ANKRD30BL: variants seen among roughly 807,000 people sequenced by gnomAD.
ANKRD30BL encodes the protein ankyrin repeat domain 30B like.
A neutral mutation model predicts 18.4 loss-of-function variants in ANKRD30BL; 20 were observed. The observed-to-expected ratio is 1.09, with a 90% confidence interval of 0.77 to 1.58. The LOEUF is 1.58. ANKRD30BL is among the 40% of genes most tolerant of loss of function. ANKRD30BL has a pLI of 0.00. For synonymous variants in ANKRD30BL, 72 were observed against 100.9 expected (o/e 0.71, Z 1.72); for missense variants, 224 against 268.6 (o/e 0.83, Z 1.16).
intron 1 of ANKRD30BL, among the ~76,000 whole-genome samples, chr2:132,234,895 T>C (rs1680113664): frequency 6.6e-6 from 1 of 152,116 alleles, no homozygotes. Context: ...AAAGAGAATT[T>C]TAGACCAATA....
intron 1 of ANKRD30BL, among the ~76,000 whole-genome samples, chr2:132,233,611 G>T (rs1292622403): frequency 1.3e-5 from 2 of 150,834 alleles, no homozygotes; most frequent in African/African-American, 4.9e-5. Flanking sequence ...AATGGTAAAG[G>T]GATCAATTCA....
At chr2:132,255,112 G>A (rs536756605) in intron 1 of ANKRD30BL, among the ~76,000 whole-genome samples, 1 of 150,994 alleles carries the variant, frequency 6.6e-6, no homozygotes, top group Non-Finnish European at 1.5e-5. Flanking sequence ...CCGCCACATC[G>A]CCAGTTGGCA....
chr2:132,232,923 G>T (rs1558730078), intron 1 of ANKRD30BL, among the ~76,000 whole-genome samples: 1 of 151,974 alleles, frequency 6.6e-6, no homozygotes, highest in Non-Finnish European at 1.5e-5. Context: ...AAATGTTAAG[G>T]GCAGCCAGAG....
chr2:132,178,268 T>G (rs914641911), intron 1 of ANKRD30BL, among the ~76,000 whole-genome samples: 2 of 152,220 alleles, frequency 1.3e-5, no homozygotes, highest in African/African-American at 4.8e-5. Context: ...GAGTAATGTA[T>G]GTGCTAAATT....
chr2:132,221,484 G>A (rs1343558428), intron 1 of ANKRD30BL, among the ~76,000 whole-genome samples: 29 of 126,176 alleles, frequency 2.3e-4, no homozygotes, highest in Non-Finnish European at 3.9e-4. Flanking sequence ...CTGCCTGGCC[G>A]CCCCTACTGG....
intron 1 of ANKRD30BL, among the ~76,000 whole-genome samples, chr2:132,217,628 T>G (rs78434365): frequency 1.7e-5 from 1 of 57,440 alleles, no homozygotes; most frequent in Non-Finnish European, 3.8e-5. Flanking sequence ...TAGATAGAAG[T>G]TTTCTCAGAA....
At chr2:132,257,245 C>T (rs1680881139) in intron 1 of ANKRD30BL, among the ~76,000 whole-genome samples, 1 of 152,238 alleles carries the variant, frequency 6.6e-6, no homozygotes, top group Non-Finnish European at 1.5e-5. Flanking sequence ...TTCCCAGGGC[C>T]AGGCGGCCCA....
intron 1 of ANKRD30BL, among the ~76,000 whole-genome samples, chr2:132,220,890 C>T (rs561943994): frequency 6.6e-5 from 10 of 151,390 alleles, no homozygotes; most frequent in South Asian, 2.1e-4. Flanking sequence ...AGCCTCTGCC[C>T]GGCCGCCATC....
intron 4 of ANKRD30BL, among the ~76,000 whole-genome samples, chr2:132,151,625 A>AC (rs397704860): frequency 2.6e-5 from 4 of 151,414 alleles, no homozygotes; most frequent in Admixed American, 6.6e-5. Context: ...CAAAAAAAAA[A>AC]CAAAAAAAAT....
intron 1 of ANKRD30BL, among the ~76,000 whole-genome samples, chr2:132,176,129 C>A (rs1322355009): frequency 6.6e-6 from 1 of 152,166 alleles, no homozygotes; most frequent in East Asian, 1.9e-4. Flanking sequence ...CATAGTGGCT[C>A]ATGTCTGTAA....
intron 1 of ANKRD30BL, among the ~76,000 whole-genome samples, chr2:132,231,705 C>G (rs1170924004): frequency 6.6e-6 from 1 of 152,168 alleles, no homozygotes; most frequent in Non-Finnish European, 1.5e-5. Flanking sequence ...CGGAGTCTCG[C>G]TGATTGCTAG....
chr2:132,249,144 T>C (rs139276868), intron 1 of ANKRD30BL, among the ~76,000 whole-genome samples: 3 of 152,106 alleles, frequency 2.0e-5, no homozygotes, highest in Non-Finnish European at 4.4e-5. Flanking sequence ...TTTTTCACCA[T>C]AGGCCTCAAA....
chr2:132,235,959 C>G (rs1680140346), intron 1 of ANKRD30BL, among the ~76,000 whole-genome samples: 1 of 152,076 alleles, frequency 6.6e-6, no homozygotes, highest in Non-Finnish European at 1.5e-5. Context: ...CTACAGTAAC[C>G]AAAACAGCAT....
intron 1 of ANKRD30BL, among the ~76,000 whole-genome samples, chr2:132,256,285 G>GA (rs1680833844): frequency 1.3e-5 from 2 of 150,024 alleles, no homozygotes; most frequent in Non-Finnish European, 3.0e-5. Context: ...GGGGCGTGGG[G>GA]GAGGGAGGGA....
At chr2:132,196,244 C>T (rs749619943) in intron 1 of ANKRD30BL, among the ~76,000 whole-genome samples, 47 of 152,062 alleles carry the variant, frequency 3.1e-4, no homozygotes, top group Admixed American at 8.5e-4. Context: ...TTTGGGAGGC[C>T]AAGGTGGGTG....
At chr2:132,218,837 C>A (rs899026603) in intron 1 of ANKRD30BL, among the ~76,000 whole-genome samples, 1 of 152,276 alleles carries the variant, frequency 6.6e-6, no homozygotes, top group East Asian at 1.9e-4. Context: ...TTCTCAAAAA[C>A]TTCTTTGTGA....
At chr2:132,183,227 G>T (rs976953964) in intron 1 of ANKRD30BL, among the ~76,000 whole-genome samples, 47 of 151,538 alleles carry the variant, frequency 3.1e-4, no homozygotes, top group African/African-American at 1.1e-3. Flanking sequence ...TACCTCCCAG[G>T]TTCAAGTGAT....
chr2:132,171,073 G>A (rs1437080272), intron 1 of ANKRD30BL, among the ~76,000 whole-genome samples: 1 of 150,904 alleles, frequency 6.6e-6, no homozygotes, highest in Non-Finnish European at 1.5e-5. Context: ...GGAGAATGGC[G>A]TGAACCCGGA....
At position 132,157,367 on chromosome 2, in the gene ANKRD30BL, A is replaced by C. The variant is rs763633845; in HGVS notation, c.275T>G (p.Val92Gly). Residue 92 changes from valine to glycine, a missense_variant, in exon 2 of 6, where the codon GTA becomes GGA. Coordinates refer to ENST00000409867, the MANE Select transcript of ANKRD30BL (RefSeq NM_001358416.1). ...GACGTCAAGCTGACACTTTCTATCTACCAGAAGTGTTACTACTTCTGCATG... is the reference window on the plus strand; with the variant it reads ...GACGTCAAGCTGACACTTTCTATCTCCCAGAAGTGTTACTACTTCTGCATG... ...NGHAEVVTLL[V>G]DRKCQLDVLD... is the part of the protein sequence containing the mutation. 3.6e-5 allele frequency: 27 copies of C among 751,936 alleles called. No individual in the cohort carries two copies. The South Asian group carries it at 3.9e-4, about 11-fold the overall frequency. 46.6% of individuals were successfully genotyped at this position (751,936 alleles called of 1,614,324 possible).
Sources: gnomAD v4.1 joint callset for allele counts (sites outside exome capture counted in the v4.1 genomes callset) on GRCh38, gnomAD v4.1.1 for gene constraint, MANE v1.5 for transcripts, NCBI Gene and HGNC (gene_info 2026-07-23, HGNC 2026-07-21) for gene names.